The following NELL1 variants were observed in gnomAD, a reference collection of about 807,000 sequenced individuals.
The protein encoded by NELL1 is protein kinase C-binding protein NELL1.
A neutral mutation model predicts 107.4 loss-of-function variants in NELL1; 76 were observed. The ratio of observed to expected loss-of-function variants is 0.71; its 90% CI spans 0.59 to 0.86. The LOEUF (loss-of-function observed/expected upper bound fraction) is 0.86. Ranked by LOEUF, NELL1 falls within the 40% of genes least tolerant of loss-of-function variation. The pLI is 0.00. For synonymous variants in NELL1, 353 were observed against 341.2 expected (o/e 1.03, Z -0.38); for missense variants, 1,024 against 1,005.5 (o/e 1.02, Z -0.25).
At chr11:20,924,313 T>C (rs555872987) in intron 7 of NELL1, among the ~76,000 whole-genome samples, 2 of 152,330 alleles carry the variant, frequency 1.3e-5, no homozygotes, top group African/African-American at 4.8e-5. Flanking sequence ...CTTTTTGCCT[T>C]AACATCCCTT....
intron 17 of NELL1, among the ~76,000 whole-genome samples, chr11:21,561,010 G>C (rs1564961505): frequency 6.6e-6 from 1 of 152,034 alleles, no homozygotes. Context: ...TTTATGCTTT[G>C]CAAAATGGGT....
At chr11:21,401,855 T>C (rs767137460) in intron 15 of NELL1, among the ~76,000 whole-genome samples, 8 of 151,736 alleles carry the variant, frequency 5.3e-5, no homozygotes, top group Non-Finnish European at 8.8e-5. Context: ...GAGCCTAAGG[T>C]ATGAAATGAG....
At chr11:20,738,550 T>G (rs1169540284) in intron 2 of NELL1, among the ~76,000 whole-genome samples, 2 of 152,170 alleles carry the variant, frequency 1.3e-5, no homozygotes. Flanking sequence ...AAATTTGATG[T>G]TTTCAAAAAG....
chr11:21,506,822 A>G (rs1855292483), intron 15 of NELL1, among the ~76,000 whole-genome samples: 1 of 152,216 alleles, frequency 6.6e-6, no homozygotes, highest in African/African-American at 2.4e-5. Flanking sequence ...TTTTAGGGCC[A>G]TAGCCAGAGA....
At chr11:20,854,897 G>A (rs1314316008) in intron 4 of NELL1, among the ~76,000 whole-genome samples, 2 of 152,240 alleles carry the variant, frequency 1.3e-5, no homozygotes, top group African/African-American at 4.8e-5. Flanking sequence ...TAAATAACAG[G>A]AAATAGAGTT....
intron 2 of NELL1, among the ~76,000 whole-genome samples, chr11:20,764,618 T>A (rs533996086): frequency 2.8e-4 from 43 of 151,958 alleles, no homozygotes; most frequent in African/African-American, 9.9e-4. Flanking sequence ...GACCTTTTTT[T>A]TTTTTTTTGA....
At chr11:21,203,956 G>T (rs1857330973) in intron 13 of NELL1, among the ~76,000 whole-genome samples, 1 of 152,170 alleles carries the variant, frequency 6.6e-6, no homozygotes, top group African/African-American at 2.4e-5. Flanking sequence ...CTTCTAGCTT[G>T]TAGGGTTTCT....
At chr11:21,337,726 T>TCGTTCTTTC (rs1850440025) in intron 14 of NELL1, among the ~76,000 whole-genome samples, 1 of 148,710 alleles carries the variant, frequency 6.7e-6, no homozygotes, top group African/African-American at 2.5e-5. Context: ...TTCATTCTTT[T>TCGTTCTTTC]CTTTCTTTCC....
intron 12 of NELL1, among the ~76,000 whole-genome samples, chr11:21,022,239 C>A (rs934291153): frequency 6.6e-6 from 1 of 152,022 alleles, no homozygotes; most frequent in Non-Finnish European, 1.5e-5. Context: ...TTGGCGTTAC[C>A]TTTAAAGGAC....
chr11:21,434,714 T>C (rs1853061251), intron 15 of NELL1, among the ~76,000 whole-genome samples: 1 of 152,030 alleles, frequency 6.6e-6, no homozygotes, highest in Non-Finnish European at 1.5e-5. Context: ...AATTTTAAGA[T>C]TTTTTTTCTG....
chr11:21,052,581 A>G (rs998273600), intron 12 of NELL1, among the ~76,000 whole-genome samples: 11 of 152,164 alleles, frequency 7.2e-5, no homozygotes, highest in Non-Finnish European at 1.3e-4. Context: ...CCAGGTATGA[A>G]GAAATAGTGA....
intron 12 of NELL1, among the ~76,000 whole-genome samples, chr11:21,058,935 G>T (rs979368025): frequency 6.6e-6 from 1 of 152,094 alleles, no homozygotes; most frequent in African/African-American, 2.4e-5. Flanking sequence ...TGAGATTCAT[G>T]ATTTCTGTGC....
chr11:21,157,940 T>C (rs1490415041), intron 13 of NELL1, among the ~76,000 whole-genome samples: 1 of 152,190 alleles, frequency 6.6e-6, no homozygotes, highest in Non-Finnish European at 1.5e-5. Flanking sequence ...AGTGTGTCTG[T>C]GAGGGTGTTT....
intron 15 of NELL1, among the ~76,000 whole-genome samples, chr11:21,441,155 C>G (rs796420304): frequency 7.2e-5 from 11 of 152,222 alleles, no homozygotes; most frequent in African/African-American, 2.6e-4. Context: ...GGGCTATTCT[C>G]CAGAACACAA....
chr11:21,232,067 G>A (rs527627699), intron 14 of NELL1, among the ~76,000 whole-genome samples: 14 of 150,826 alleles, frequency 9.3e-5, no homozygotes, highest in East Asian at 7.8e-4. Flanking sequence ...GGGAGGCTGC[G>A]GCGGGTGGAT....
At chr11:21,417,973 C>G (rs1852561285) in intron 15 of NELL1, among the ~76,000 whole-genome samples, 1 of 152,092 alleles carries the variant, frequency 6.6e-6, no homozygotes, top group Non-Finnish European at 1.5e-5. Context: ...TAGAGGCTCA[C>G]CATGTCCCAA....
At chr11:21,572,766 C>A (rs149879670) in intron 18 of NELL1, among the ~76,000 whole-genome samples, 9 of 151,962 alleles carry the variant, frequency 5.9e-5, no homozygotes, top group African/African-American at 1.9e-4. Context: ...AAATTAATTG[C>A]TCTTTATATA....
At chr11:21,277,487 G>A (rs955588144) in intron 14 of NELL1, among the ~76,000 whole-genome samples, 15 of 151,810 alleles carry the variant, frequency 9.9e-5, no homozygotes, top group Admixed American at 3.9e-4. Flanking sequence ...GGAAGTCAGT[G>A]TGGCGATTCC....
At chr11:21,398,130 A>G (rs79498383) in intron 15 of NELL1, among the ~76,000 whole-genome samples, 203 of 151,792 alleles carry the variant, frequency 1.3e-3, no homozygotes, top group African/African-American at 4.4e-3. Flanking sequence ...TGAATCATAA[A>G]CCATTTTTAA....
Sources: gnomAD v4.1 joint callset for allele counts (sites outside exome capture counted in the v4.1 genomes callset) on GRCh38, gnomAD v4.1.1 for gene constraint, MANE v1.5 for transcripts, NCBI Gene and HGNC (gene_info 2026-07-23, HGNC 2026-07-21) for gene names.